TMPO: variants seen among roughly 807,000 people sequenced by gnomAD.
TMPO encodes the protein LEM domain containing 4.
In TMPO, 22 loss-of-function variants were observed where a neutral mutation model predicts 45.4. The ratio of observed to expected loss-of-function variants is 0.48; its 90% CI spans 0.35 to 0.69. The LOEUF is 0.69. TMPO is among the 30% of genes least tolerant of loss of function. The probability of loss-of-function intolerance (pLI) is 0.01; values close to 1 mark genes in which losing one functional copy is unlikely to be tolerated. For missense variants in TMPO, 512 were observed against 548.8 expected, an observed-to-expected ratio of 0.93 and a Z score of 0.67; for synonymous variants, 241 against 204.1, an observed-to-expected ratio of 1.18 and a Z score of -1.54.
chr12:98,534,470 A>G (rs1160395282), intron 3 of TMPO: 5 of 1,523,858 alleles, frequency 3.3e-6, no homozygotes, highest in Admixed American at 4.3e-5. Flanking sequence ...CTACCCATCA[A>G]ATTACAGTAT....
In TMPO at chr12:98,527,964, C is replaced by A. The variant is rs200420073; in HGVS notation, c.358C>A (p.Leu120Ile). ...TGTAACAGAGCTCACTAATGAAGATCTTTTGGATCAGCTTGTGAAATACGG... is the reference window on the plus strand; with the variant it reads ...TGTAACAGAGCTCACTAATGAAGATATTTTGGATCAGCTTGTGAAATACGG... ...LDVTELTNED[L>I]LDQLVKYGVN... The change falls in exon 2 of 9, where the codon CTT becomes ATT. Residue 120 changes from leucine (L) to isoleucine (I), a missense_variant. By Grantham distance (5) the Leu-to-Ile change is conservative (BLOSUM62 2). This residue lies in a region of TMPO where 299 missense variants were observed against 296.7 expected (regional missense o/e 1.01). Coordinates refer to ENST00000556029, the MANE Select transcript of TMPO (RefSeq NM_001032283.3). 2.0e-4 allele frequency: 321 copies of A among 1,613,938 alleles called. No individual in the cohort carries two copies. The highest frequency in any genetic ancestry group is 5.4e-5 in the Non-Finnish European group (64 of 1,179,896).
intron 8 of TMPO, 73 bp downstream of exon 8, chr12:98,546,520 A>C: frequency 1.7e-6 from 2 of 1,179,546 alleles, no homozygotes; most frequent in Non-Finnish European, 2.5e-6. Context: ...TTCATCACAA[A>C]GTTACTGTAC....
chr12:98,528,035 A>G lies in TMPO; in HGVS notation c.406+23A>G, dbSNP rs768929312. 2.5e-6 allele frequency: 4 copies of G among 1,613,600 alleles called. No individual in the cohort carries two copies. In the East Asian group the frequency reaches 8.9e-5, roughly 36 times the overall value. ...TGGGTAAGTTGATAAAATTTCAAATACAGTATCTTTTCTCTGAAGCAGGAC... is the reference window on the plus strand; with the variant it reads ...TGGGTAAGTTGATAAAATTTCAAATGCAGTATCTTTTCTCTGAAGCAGGAC... On this transcript the variant is annotated intron_variant, in intron 2 of 8. Transcript: ENST00000556029.
intron 4 of TMPO, among the ~76,000 whole-genome samples, chr12:98,539,132 G>A (rs1241402301): frequency 3.3e-5 from 5 of 151,986 alleles, no homozygotes; most frequent in African/African-American, 7.2e-5. Flanking sequence ...CCTTGGAGGC[G>A]GAGGTTGCTG....
At chr12:98,518,610 C>G (rs1009588119) in intron 1 of TMPO, among the ~76,000 whole-genome samples, 2 of 150,324 alleles carry the variant, frequency 1.3e-5, no homozygotes, top group East Asian at 3.9e-4. Context: ...ACAGAAACAA[C>G]CATCTCAGTT....
chr12:98,537,537 G>T lies in TMPO; in HGVS notation c.628G>T (p.Val210Leu). 1 of 1,613,562 alleles carries T rather than the reference G, an allele frequency of 6.2e-7. No individual in the cohort carries two copies. The highest frequency in any genetic ancestry group is 8.5e-7 in the Non-Finnish European group (1 of 1,179,686). The change falls in exon 4 of 9, where the codon GTA becomes TTA. Residue 210 changes from valine to leucine, a missense_variant. Around this residue, in one of 3 missense-constraint regions of TMPO, gnomAD observed 299 missense variants for 296.7 expected, o/e 1.01. Transcript: ENST00000556029. Reference sequence around the variant, plus strand: ...ACTAAAGGGCAGAGCAAAGACTCCAGTAACACTCAAGCAAAGAAGAGTTGA... The same window carrying T: ...ACTAAAGGGCAGAGCAAAGACTCCATTAACACTCAAGCAAAGAAGAGTTGA... ...EPLKGRAKTP[V>L]TLKQRRVEHN...
chr12:98,515,688 T>G lies in TMPO; in HGVS notation c.-180T>G. ...GGTTCGTAGTTCGGCTCTGGGGTCTTTTGTGTCCGGGTCTGGCTTGGCTTT... is the reference window on the plus strand; with the variant it reads ...GGTTCGTAGTTCGGCTCTGGGGTCTGTTGTGTCCGGGTCTGGCTTGGCTTT... On this transcript the variant is annotated 5_prime_UTR_variant, in exon 1 of 9. Transcript: ENST00000556029. The G allele has an allele frequency of 7.3e-7, 1 of 1,363,238 alleles. No individual in the cohort carries two copies. Among genetic ancestry groups the G allele is most frequent in the Non-Finnish European group, 9.9e-7 (1 of 1,012,168 alleles). 84.4% of individuals were successfully genotyped at this position (1,363,238 alleles called of 1,614,324 possible).
Position 98,516,041 on chromosome 12 carries a change from C to G in TMPO, c.174C>G (p.Asn58Lys), listed in dbSNP as rs1220040656. 1.4e-5 allele frequency: 22 copies of G among 1,611,542 alleles called. No homozygotes were observed. The highest frequency in any genetic ancestry group is 1.9e-5 in the Non-Finnish European group (22 of 1,179,566). Residue 58 changes from asparagine to lysine, a missense_variant, in exon 1 of 9, where the codon AAC (asparagine) becomes AAG (lysine). Around this residue, in one of 3 missense-constraint regions of TMPO, gnomAD observed 299 missense variants for 296.7 expected, o/e 1.01. Coordinates refer to ENST00000556029, the MANE Select transcript of TMPO (RefSeq NM_001032283.3). ...RNRPPLPAGTNSKGPPDFSSD... is the reference protein window; with the variant it reads ...RNRPPLPAGTKSKGPPDFSSD... ...GGCCGCCGCTCCCCGCCGGCACCAA[C>G]AGCAAGGGGCCCCCGGACTTCTCCA...
In TMPO at chr12:98,535,514, A is replaced by G. The variant is rs150771350; in HGVS notation, c.566-1961A>G. 7.9e-5 allele frequency: 78 copies of G among 985,242 alleles called. No individual in the cohort carries two copies. In the African/African-American group the frequency reaches 1.2e-3, roughly 16 times the overall value. 61.0% of individuals were successfully genotyped at this position (985,242 alleles called of 1,614,324 possible). A position where few individuals can be genotyped will look rare whatever the true frequency, so the allele number is the denominator to read the frequency against. ...TTTGCAGCTTTCTGAGAGTAATTTTATTTGTTGTCTTCTGAAATGTACATG... is the reference window on the plus strand; with the variant it reads ...TTTGCAGCTTTCTGAGAGTAATTTTGTTTGTTGTCTTCTGAAATGTACATG... On this transcript the variant is annotated intron_variant, in intron 3 of 8. Transcript: ENST00000556029.
intron 7 of TMPO, 23 bp downstream of exon 7, chr12:98,545,084 G>A (rs779634789): frequency 2.8e-5 from 39 of 1,404,916 alleles, no homozygotes; most frequent in Admixed American, 1.2e-4. Flanking sequence ...AATTTAGATC[G>A]ATGCTATCAT....
At chr12:98,523,559 G>A (rs926590586) in intron 1 of TMPO, among the ~76,000 whole-genome samples, 1 of 151,612 alleles carries the variant, frequency 6.6e-6, no homozygotes, top group Non-Finnish European at 1.5e-5. Context: ...AAAAAATCAC[G>A]TTTTTGGTTT....
chr12:98,521,248 C>T (rs1039215185), intron 1 of TMPO, among the ~76,000 whole-genome samples: 3 of 151,180 alleles, frequency 2.0e-5, no homozygotes, highest in African/African-American at 4.9e-5. Flanking sequence ...GCTGGGGCTA[C>T]GTGGTGGCAC....
Position 98,547,722 on chromosome 12 carries a change from C to G in TMPO, c.1229C>G (p.Ser410Cys), listed in dbSNP as rs770579826. 8.7e-6 allele frequency: 14 copies of G among 1,614,130 alleles called. No individual in the cohort carries two copies. The highest frequency in any genetic ancestry group is 3.3e-5 in the South Asian group (3 of 91,074). ...VKSEKTKKGR[S>C]IPVWIKILLF... Reference sequence around the variant, plus strand: ...TCAGAAAAGACAAAAAAGGGACGCTCCATTCCCGTATGGATAAAAATTTTG... The same window carrying G: ...TCAGAAAAGACAAAAAAGGGACGCTGCATTCCCGTATGGATAAAAATTTTG... Residue 410 changes from serine to cysteine, a missense_variant, in exon 9 of 9, where the codon TCC becomes TGC. Transcript: ENST00000556029.
chr12:98,533,032 A>T (rs750841722), intron 3 of TMPO: 1 of 1,613,704 alleles, frequency 6.2e-7, no homozygotes, highest in Non-Finnish European at 8.5e-7. Context: ...TCTTGTTGCC[A>T]CAAACTTGCC....
intron 4 of TMPO, 68 bp from the exon 5 acceptor site, chr12:98,544,162 C>T (rs779432437): frequency 1.9e-6 from 3 of 1,566,620 alleles, no homozygotes; most frequent in South Asian, 1.1e-5. Flanking sequence ...TCTCAGTGTG[C>T]CAGTATGGCC....
In TMPO at chr12:98,534,233, A is replaced by G. The variant is rs766171931; in HGVS notation, c.565+2395A>G. 1.7e-5 allele frequency: 27 copies of G among 1,613,818 alleles called. No individual in the cohort carries two copies. The highest frequency in any genetic ancestry group is 2.3e-5 in the Non-Finnish European group (27 of 1,179,920). ...CGATACCTCTGGCTGAAGGATTGCA[A>G]AATTAATTTAGCTTCTAAGAATAAG... is the stretch of plus-strand genomic sequence containing the variant. On this transcript the variant is annotated intron_variant, in intron 3 of 8. Transcript: ENST00000556029.
chr12:98,525,399 T>G (rs1876688866), intron 1 of TMPO, among the ~76,000 whole-genome samples: 2 of 152,222 alleles, frequency 1.3e-5, no homozygotes, highest in African/African-American at 4.8e-5. Flanking sequence ...ATAGAATGAT[T>G]AGCCATTAGC....
intron 3 of TMPO, 21 bp downstream of exon 3, chr12:98,531,859 A>G: frequency 6.2e-7 from 1 of 1,601,656 alleles, no homozygotes; most frequent in Non-Finnish European, 8.5e-7. Context: ...AAATGATGTT[A>G]ATCAAATGTA....
At position 98,550,039 on chromosome 12, in the gene TMPO, G is replaced by A. The variant is rs1878450123; in HGVS notation, c.*2181G>A. 1.3e-5 allele frequency: 2 copies of A among 152,182 alleles called. No homozygotes were observed. The highest frequency in any genetic ancestry group is 2.9e-5 in the Non-Finnish European group (2 of 68,032). 9.4% of individuals were successfully genotyped at this position (152,182 alleles called of 1,614,324 possible). A position where few individuals can be genotyped will look rare whatever the true frequency, so the allele number is the denominator to read the frequency against. The stretch of plus-strand genomic sequence containing the variant: ...TGTTTATAATTAGAAATTGTGAGAA[G>A]CTTCATTTAGTGTTTAAAAATGTGG... On this transcript the variant is annotated 3_prime_UTR_variant, in exon 9 of 9. Coordinates refer to ENST00000556029, the MANE Select transcript of TMPO (RefSeq NM_001032283.3).
Sources: gnomAD v4.1 joint callset for allele counts (sites outside exome capture counted in the v4.1 genomes callset) on GRCh38, gnomAD v4.1.1 for gene constraint, gnomAD v4.1.1 regional missense constraint, MANE v1.5 for transcripts, NCBI Gene and HGNC (gene_info 2026-07-23, HGNC 2026-07-21) for gene names.